Variants in CPEB3 observed in about 807,000 individuals in gnomAD.
The protein encoded by CPEB3 is cytoplasmic polyadenylation element binding protein 3.
Under a neutral mutation model 67.2 loss-of-function variants are expected in CPEB3, and 20 were observed. The ratio of observed to expected loss-of-function variants is 0.30; its 90% CI spans 0.21 to 0.43. The LOEUF is 0.43. Among genes scored for constraint, CPEB3 ranks in the 20% least tolerant of loss-of-function variants. CPEB3 has a pLI of 1.00. For synonymous variants in CPEB3, 376 were observed against 393.1 expected, an observed-to-expected ratio of 0.96 and a Z score of 0.51; for missense variants, 746 against 968.6, an observed-to-expected ratio of 0.77 and a Z score of 3.05.
Position 92,286,058 on chromosome 10 carries a change from C to A in CPEB3, c.-12+4868G>T, listed in dbSNP as rs533704878. Among the ~76,000 whole-genome samples the A allele has an allele frequency of 3.4e-3, 521 of 151,796 alleles. 2 individuals carry two copies. The highest frequency in any genetic ancestry group is 5.4e-3 in the Non-Finnish European group (367 of 67,948). On this transcript the variant is annotated intron_variant, in intron 1 of 9. Transcript: ENST00000265997. ...TCACGCCATTCTCCAGCCTTGGCCT[C>A]CCGAGTAGCTGGGACTACAGGCGCC...
intron 1 of CPEB3, among the ~76,000 whole-genome samples, chr10:92,258,628 ATATATATATATATATATATAT>A (rs1374094448): frequency 0.15 from 12,909 of 84,160 alleles, 1,493 homozygotes; most frequent in Middle Eastern, 0.26. Flanking sequence ...TTTTTTGAAT[ATATATATATATATATATATAT>A]ATATATATAT....
At chr10:92,257,700 T>G (rs1192081590) in intron 1 of CPEB3, among the ~76,000 whole-genome samples, 2 of 151,596 alleles carry the variant, frequency 1.3e-5, no homozygotes, top group Non-Finnish European at 2.9e-5. Context: ...TTCCTGATAA[T>G]GTAATAATGT....
At chr10:92,099,041 G>C (rs1197686878) in intron 7 of CPEB3, among the ~76,000 whole-genome samples, 1 of 151,690 alleles carries the variant, frequency 6.6e-6, no homozygotes, top group Non-Finnish European at 1.5e-5. Context: ...CAAAGTGCTG[G>C]GATTACAGGC....
At chr10:92,115,413 C>T (rs1179344046) in intron 6 of CPEB3, among the ~76,000 whole-genome samples, 1 of 152,200 alleles carries the variant, frequency 6.6e-6, no homozygotes, top group Non-Finnish European at 1.5e-5. Context: ...CAGCCTCCCA[C>T]AGTGCTGGGA....
intron 4 of CPEB3, among the ~76,000 whole-genome samples, chr10:92,154,132 T>C (rs1388770681): frequency 6.6e-6 from 1 of 152,248 alleles, no homozygotes; most frequent in Non-Finnish European, 1.5e-5. Flanking sequence ...ATTAAATGTG[T>C]AGGCAAAAGT....
chr10:92,234,902 GCGACAGAGCA>G (rs1851453215), intron 2 of CPEB3, among the ~76,000 whole-genome samples: 1 of 152,022 alleles, frequency 6.6e-6, no homozygotes, highest in Middle Eastern at 3.2e-3. Context: ...TCCAATCTGG[GCGACAGAGCA>G]CGACTCCATC....
chr10:92,275,329 G>C (rs1180994134), intron 1 of CPEB3, among the ~76,000 whole-genome samples: 1 of 152,102 alleles, frequency 6.6e-6, no homozygotes, highest in Non-Finnish European at 1.5e-5. Context: ...CCCAAGTCAG[G>C]ACTCAATTAG....
At chr10:92,085,923 T>TTG (rs1843351699) in intron 8 of CPEB3, among the ~76,000 whole-genome samples, 1 of 152,108 alleles carries the variant, frequency 6.6e-6, no homozygotes, top group African/African-American at 2.4e-5. Flanking sequence ...TCCCAATTCT[T>TTG]TACAAAGATG....
chr10:92,109,675 T>C (rs1844639983), intron 7 of CPEB3, among the ~76,000 whole-genome samples: 1 of 152,234 alleles, frequency 6.6e-6, no homozygotes, highest in Non-Finnish European at 1.5e-5. Flanking sequence ...GTGGCACTTT[T>C]ATACTGGCTA....
rs1334637936 is a variant in CPEB3, at chr10:92,048,586, A to C, written c.*3626T>G. ...TAGAGAACTGCACTGTGACATCCCTAGTCTTACACTAAACCACTGTGATAA... is the reference window on the plus strand; with the variant it reads ...TAGAGAACTGCACTGTGACATCCCTCGTCTTACACTAAACCACTGTGATAA... On this transcript the variant is annotated 3_prime_UTR_variant, in exon 10 of 10. Coordinates refer to ENST00000265997, the MANE Select transcript of CPEB3 (RefSeq NM_014912.5). The surrounding 1 kb of genome is among the most constrained non-coding windows in gnomAD (Gnocchi z 4.1). 6.6e-6 allele frequency: 1 copy of C among 152,522 alleles called. No individual in the cohort carries two copies. The highest frequency in any genetic ancestry group is 1.9e-4 in the East Asian group (1 of 5,186). 9.4% of individuals were successfully genotyped at this position (152,522 alleles called of 1,614,324 possible).
chr10:92,162,619 G>A (rs892150442), intron 4 of CPEB3, among the ~76,000 whole-genome samples: 1 of 152,072 alleles, frequency 6.6e-6, no homozygotes, highest in Non-Finnish European at 1.5e-5. Context: ...GTATTTTACA[G>A]GGGGAAATAC....
At position 92,180,313 on chromosome 10, in the gene CPEB3, A is replaced by G. The variant is rs1432900906; in HGVS notation, c.1222+650T>C. On this transcript the variant is annotated intron_variant, in intron 4 of 9. Transcript: ENST00000265997. ...AATTCCATTAATGGGAGACCCCTGG[A>G]TGTCCAGCTTGAAATACCTGGCTAT... Among the ~76,000 whole-genome samples the G allele has an allele frequency of 3.3e-5, 5 of 152,358 alleles. No homozygotes were observed. In the South Asian group the frequency reaches 1.0e-3, roughly 32 times the overall value.
chr10:92,171,333 G>T (rs749278516), intron 4 of CPEB3, among the ~76,000 whole-genome samples: 9 of 152,148 alleles, frequency 5.9e-5, no homozygotes, highest in Non-Finnish European at 1.0e-4. Flanking sequence ...AGAACACTAC[G>T]ATATGCACAG....
At chr10:92,171,219 T>TAGCAAGG (rs1847985694) in intron 4 of CPEB3, among the ~76,000 whole-genome samples, 2 of 152,212 alleles carry the variant, frequency 1.3e-5, no homozygotes. Flanking sequence ...TGCTCATTCA[T>TAGCAAGG]ATCAGCCCTG....
At chr10:92,060,601 T>C (rs1389234262) in intron 9 of CPEB3, among the ~76,000 whole-genome samples, 1 of 152,176 alleles carries the variant, frequency 6.6e-6, no homozygotes, top group Admixed American at 6.5e-5. Flanking sequence ...AGAAAATATT[T>C]GCAAACTACC....
intron 1 of CPEB3, among the ~76,000 whole-genome samples, chr10:92,259,855 A>G (rs1852716200): frequency 6.6e-6 from 1 of 152,188 alleles, no homozygotes; most frequent in African/African-American, 2.4e-5. Flanking sequence ...GTACTTCCAC[A>G]CATTAATTCA....
chr10:92,167,034 G>C (rs1847778180), intron 4 of CPEB3, among the ~76,000 whole-genome samples: 1 of 152,144 alleles, frequency 6.6e-6, no homozygotes, highest in African/African-American at 2.4e-5. Flanking sequence ...TAAACCTCAG[G>C]AACCAATGTT....
chr10:92,091,574 A>G (rs991458093), intron 8 of CPEB3, among the ~76,000 whole-genome samples: 2 of 152,234 alleles, frequency 1.3e-5, no homozygotes, highest in Non-Finnish European at 2.9e-5. Flanking sequence ...TATATAAGCA[A>G]TTAAATAGGA....
intron 6 of CPEB3, among the ~76,000 whole-genome samples, chr10:92,115,865 G>A (rs1844996927): frequency 6.6e-6 from 1 of 152,196 alleles, no homozygotes; most frequent in African/African-American, 2.4e-5. Flanking sequence ...TCATTTAGTA[G>A]AATCACTCAG....
Sources: gnomAD v4.1 joint callset for allele counts (sites outside exome capture counted in the v4.1 genomes callset) on GRCh38, gnomAD v4.1.1 for gene constraint, Gnocchi (gnomAD v3.1) non-coding constraint, MANE v1.5 for transcripts, NCBI Gene and HGNC (gene_info 2026-07-23, HGNC 2026-07-21) for gene names.